Variants in CACNA1E observed in about 807,000 individuals in gnomAD.
The protein encoded by CACNA1E is calcium voltage-gated channel subunit alpha1 E.
CACNA1E carries 40 observed loss-of-function variants against 259.2 expected under a neutral mutation model. The ratio of observed to expected loss-of-function variants is 0.15; its 90% CI spans 0.12 to 0.20. The LOEUF is 0.20. CACNA1E is among the 10% of genes least tolerant of loss of function. CACNA1E has a pLI of 1.00. For synonymous variants in CACNA1E, 1,104 were observed against 1,138.5 expected, an observed-to-expected ratio of 0.97 and a Z score of 0.61; for missense variants, 1,874 against 3,040.1, an observed-to-expected ratio of 0.62 and a Z score of 9.02.
chr1:181,795,630 CG>C (rs1329041352), intron 46 of CACNA1E, among the ~76,000 whole-genome samples: 1 of 151,398 alleles, frequency 6.6e-6, no homozygotes, highest in African/African-American at 2.4e-5. Context: ...TTAGTAGAGA[CG>C]GGGTTTCACC....
chr1:181,486,276 T>C (rs969530188), intron 1 of CACNA1E, among the ~76,000 whole-genome samples: 1 of 152,228 alleles, frequency 6.6e-6, no homozygotes, highest in Non-Finnish European at 1.5e-5. Context: ...GTCTGCATAG[T>C]TGGAAATTTC....
At chr1:181,647,416 G>A (rs1282042421) in intron 6 of CACNA1E, among the ~76,000 whole-genome samples, 2 of 152,156 alleles carry the variant, frequency 1.3e-5, no homozygotes, top group Admixed American at 6.5e-5. Context: ...CAGAAGTTGG[G>A]GGGGATGCTG....
chr1:181,321,858 T>G (rs1283171709), intron 1 of CACNA1E, among the ~76,000 whole-genome samples: 1 of 152,168 alleles, frequency 6.6e-6, no homozygotes, highest in Middle Eastern at 3.2e-3. Context: ...ATCGGTAACC[T>G]AGTTGGGCCT....
At chr1:181,334,399 C>G (rs1390681336) in intron 1 of CACNA1E, among the ~76,000 whole-genome samples, 1 of 152,174 alleles carries the variant, frequency 6.6e-6, no homozygotes, top group Admixed American at 6.5e-5. Flanking sequence ...ATATAGCTGG[C>G]CTTCTTCCTG....
At chr1:181,724,706 G>A (rs1174867492) in intron 17 of CACNA1E, among the ~76,000 whole-genome samples, 169 bp downstream of exon 17, 1 of 152,184 alleles carries the variant, frequency 6.6e-6, no homozygotes, top group African/African-American at 2.4e-5. Flanking sequence ...CGGAAGGCTG[G>A]TTCACTTTTA....
rs773409807 is a variant in CACNA1E, at chr1:181,732,406, C to T, written c.2320C>T (p.His774Tyr). The T allele has an allele frequency of 1.3e-6, 2 of 1,539,580 alleles. No homozygotes were observed. Among genetic ancestry groups the T allele is most frequent in the Non-Finnish European group, 1.8e-6 (2 of 1,141,470 alleles). ...CAGGAGGGAGCGGAGGCGCCGGCAC[C>T]ACATGTCCGTGTGGGAGCAGCGTAC... ...SHLRERRRRHHMSVWEQRTSQ... is the reference protein window; with the variant it reads ...SHLRERRRRHYMSVWEQRTSQ... Residue 774 changes from histidine to tyrosine, a missense_variant, in exon 20 of 48, where the codon CAC (histidine) becomes TAC (tyrosine). Physicochemically the swap from His to Tyr is moderately conservative, Grantham distance 83. Around this residue, in one of 14 missense-constraint regions of CACNA1E, gnomAD observed 476 missense variants for 514.0 expected, o/e 0.93. Coordinates refer to ENST00000367573, the MANE Select transcript of CACNA1E (RefSeq NM_001205293.3). The surrounding 1 kb of genome is among the most constrained non-coding windows in gnomAD (Gnocchi z 5.5).
At chr1:181,584,396 G>A (rs1169058575) in intron 6 of CACNA1E, among the ~76,000 whole-genome samples, 1 of 152,142 alleles carries the variant, frequency 6.6e-6, no homozygotes, top group Non-Finnish European at 1.5e-5. Context: ...TGGTGGAAGG[G>A]GTTTTATGGA....
chr1:181,428,685 T>C (rs11581075), intron 2 of CACNA1E, among the ~76,000 whole-genome samples: 17,537 of 152,052 alleles, frequency 0.12, 1,327 homozygotes, highest in South Asian at 0.29. Context: ...CCAAGCTGTG[T>C]TGGGTGTAGT....
intron 1 of CACNA1E, among the ~76,000 whole-genome samples, chr1:181,347,757 A>C (rs1049285070): frequency 2.6e-5 from 4 of 152,254 alleles, no homozygotes; most frequent in Admixed American, 6.5e-5. Flanking sequence ...AGTGGGCCTC[A>C]GCCTGCTGGG....
chr1:181,516,265 G>A (rs1170131999), intron 3 of CACNA1E, among the ~76,000 whole-genome samples: 2 of 150,436 alleles, frequency 1.3e-5, no homozygotes, highest in Non-Finnish European at 3.0e-5. Context: ...GGGTGGATAA[G>A]GAGAAAGCAG....
chr1:181,626,619 A>C (rs1441940321), intron 6 of CACNA1E, among the ~76,000 whole-genome samples: 2 of 152,230 alleles, frequency 1.3e-5, no homozygotes, highest in African/African-American at 4.8e-5. Flanking sequence ...AAACCCATCT[A>C]TGAAAAGTAC....
chr1:181,614,525 T>C (rs1250161594), intron 6 of CACNA1E, among the ~76,000 whole-genome samples: 1 of 152,236 alleles, frequency 6.6e-6, no homozygotes, highest in Non-Finnish European at 1.5e-5. Flanking sequence ...AGATGATTAT[T>C]GTCACATGGT....
intron 46 of CACNA1E, among the ~76,000 whole-genome samples, chr1:181,795,676 A>G (rs574005112): frequency 1.9e-4 from 29 of 151,230 alleles, no homozygotes; most frequent in African/African-American, 6.8e-4. Flanking sequence ...TCCTGACCTC[A>G]TGATCCGCCC....
At chr1:181,616,020 A>G (rs1558188399) in intron 6 of CACNA1E, among the ~76,000 whole-genome samples, 1 of 152,238 alleles carries the variant, frequency 6.6e-6, no homozygotes, top group Non-Finnish European at 1.5e-5. Context: ...TTCTTTTAAT[A>G]TAGTGAATCA....
At chr1:181,604,623 A>G (rs1179013722) in intron 6 of CACNA1E, among the ~76,000 whole-genome samples, 3 of 152,254 alleles carry the variant, frequency 2.0e-5, no homozygotes, top group Non-Finnish European at 4.4e-5. Context: ...AGCTGCTGCC[A>G]AGTCACTTGA....
intron 1 of CACNA1E, among the ~76,000 whole-genome samples, chr1:181,376,496 A>G (rs944424687): frequency 6.6e-6 from 1 of 152,160 alleles, no homozygotes; most frequent in African/African-American, 2.4e-5. Context: ...CTGAGTCTCT[A>G]AGAGATAGAG....
chr1:181,418,042 A>C (rs1428168608), intron 2 of CACNA1E, among the ~76,000 whole-genome samples: 5 of 152,134 alleles, frequency 3.3e-5, no homozygotes, highest in Admixed American at 6.5e-5. Context: ...AGCTGTTGAC[A>C]TGGTGACATT....
At chr1:181,393,247 C>T (rs1656423573) in intron 1 of CACNA1E, among the ~76,000 whole-genome samples, 1 of 152,250 alleles carries the variant, frequency 6.6e-6, no homozygotes, top group African/African-American at 2.4e-5. Context: ...AGTTGATAAA[C>T]CTGTGCCTCA....
chr1:181,456,813 C>T (rs2102356362), intron 2 of CACNA1E, among the ~76,000 whole-genome samples: 1 of 152,322 alleles, frequency 6.6e-6, no homozygotes, highest in South Asian at 2.1e-4. Context: ...CTAATATTTA[C>T]CTGCAGTGTT....
Sources: gnomAD v4.1 joint callset for allele counts (sites outside exome capture counted in the v4.1 genomes callset) on GRCh38, gnomAD v4.1.1 for gene constraint, gnomAD v4.1.1 regional missense constraint, Gnocchi (gnomAD v3.1) non-coding constraint, MANE v1.5 for transcripts, NCBI Gene and HGNC (gene_info 2026-07-23, HGNC 2026-07-21) for gene names.